Variants in STX8 observed in about 807,000 individuals in gnomAD.
The protein encoded by STX8 is syntaxin 8.
Under a neutral mutation model 37.5 loss-of-function variants are expected in STX8, and 23 were observed. That is an observed-to-expected ratio of 0.61 (90% CI 0.44 to 0.87). STX8 has a LOEUF of 0.87. Ranked by LOEUF, STX8 falls within the 40% of genes least tolerant of loss-of-function variation. The pLI, the probability that STX8 is intolerant of heterozygous loss-of-function variation, is 0.00. For synonymous variants in STX8, 115 were observed against 99.1 expected (o/e 1.16, Z -0.95); for missense variants, 313 against 284.7 (o/e 1.10, Z -0.71).
rs538756526 is a variant in STX8 at position 9,250,554 on chromosome 17, C to T, written c.*24G>A. The T allele has an allele frequency of 1.4e-5, 22 of 1,575,902 alleles. No individual in the cohort carries two copies. The highest frequency in any genetic ancestry group is 1.7e-4 in the Middle Eastern group (1 of 6,012). ...TTGCATCTGTCATTGGCAGGTGTCA[C>T]TGCTGGTGGTCTCTTTACTGCCATC... On this transcript the variant is annotated 3_prime_UTR_variant, in exon 8 of 8. Coordinates refer to ENST00000306357, the MANE Select transcript of STX8 (RefSeq NM_004853.3).
chr17:9,456,426 C>T (rs1281218886), intron 6 of STX8, among the ~76,000 whole-genome samples: 2 of 152,182 alleles, frequency 1.3e-5, no homozygotes, highest in African/African-American at 4.8e-5. Context: ...GGCTGGGCCT[C>T]CAGCTGAGTT....
At chr17:9,253,187 A>G (rs532986791) in intron 7 of STX8, among the ~76,000 whole-genome samples, 5 of 139,746 alleles carry the variant, frequency 3.6e-5, no homozygotes, top group African/African-American at 1.3e-4. Context: ...AGATGCTTGC[A>G]GCAAGAAGGC....
At chr17:9,347,432 AT>A in intron 7 of STX8, among the ~76,000 whole-genome samples, 1 of 152,372 alleles carries the variant, frequency 6.6e-6, no homozygotes, top group East Asian at 1.9e-4. Context: ...CATAACAAAA[AT>A]GACCATTTTA....
intron 6 of STX8, among the ~76,000 whole-genome samples, chr17:9,436,555 A>T (rs1284935204): frequency 6.6e-6 from 1 of 152,176 alleles, no homozygotes. Flanking sequence ...CACGCTTCGG[A>T]CAGATCACAG....
chr17:9,266,009 T>A (rs1285326621), intron 7 of STX8, among the ~76,000 whole-genome samples: 1 of 152,160 alleles, frequency 6.6e-6, no homozygotes, highest in Middle Eastern at 3.2e-3. Context: ...AGTGCTGATA[T>A]GGTCCATAAA....
intron 1 of STX8, among the ~76,000 whole-genome samples, chr17:9,575,536 A>G (rs1001750372): frequency 6.6e-6 from 1 of 152,176 alleles, no homozygotes; most frequent in Non-Finnish European, 1.5e-5. Flanking sequence ...AGCCCAGAAA[A>G]GCTAAAGGAA....
At chr17:9,257,037 TGC>T (rs1378709751) in intron 7 of STX8, among the ~76,000 whole-genome samples, 1 of 152,216 alleles carries the variant, frequency 6.6e-6, no homozygotes, top group Non-Finnish European at 1.5e-5. Context: ...ATCGTTTCTC[TGC>T]GCTTCACTCA....
At chr17:9,509,723 T>C (rs1166775731) in intron 4 of STX8, among the ~76,000 whole-genome samples, 4 of 151,490 alleles carry the variant, frequency 2.6e-5, no homozygotes, top group African/African-American at 4.9e-5. Flanking sequence ...ACAAAGGATA[T>C]AGAAAACAGC....
intron 7 of STX8, among the ~76,000 whole-genome samples, chr17:9,252,978 TC>T (rs1906645129): frequency 6.6e-6 from 1 of 152,248 alleles, no homozygotes; most frequent in Non-Finnish European, 1.5e-5. Flanking sequence ...CGACCTGGCC[TC>T]TTCCAGAGGC....
intron 7 of STX8, among the ~76,000 whole-genome samples, chr17:9,312,179 A>G (rs967993914): frequency 6.6e-6 from 1 of 150,598 alleles, no homozygotes; most frequent in South Asian, 2.1e-4. Context: ...AAAAAAACCT[A>G]TATAAGCATG....
intron 7 of STX8, among the ~76,000 whole-genome samples, chr17:9,260,255 C>T (rs973376572): frequency 2.0e-5 from 3 of 152,006 alleles, no homozygotes; most frequent in South Asian, 2.1e-4. Context: ...CCCAGGAGTT[C>T]GAGGCTGCAG....
chr17:9,455,792 A>G (rs1364623455), intron 6 of STX8, among the ~76,000 whole-genome samples: 1 of 152,220 alleles, frequency 6.6e-6, no homozygotes, highest in Non-Finnish European at 1.5e-5. Context: ...AATATTATTC[A>G]CAAAGTGGGC....
intron 6 of STX8, among the ~76,000 whole-genome samples, chr17:9,426,950 G>T (rs983427839): frequency 2.0e-5 from 3 of 151,804 alleles, no homozygotes; most frequent in Admixed American, 2.0e-4. Flanking sequence ...TCTCTTACTA[G>T]TTAAGAGATA....
intron 6 of STX8, among the ~76,000 whole-genome samples, chr17:9,457,784 T>C (rs2142413148): frequency 6.6e-6 from 1 of 152,368 alleles, no homozygotes; most frequent in Non-Finnish European, 1.5e-5. Flanking sequence ...CTTTCTGGTC[T>C]CTTTCTTTCT....
At chr17:9,425,657 G>A (rs1458854503) in intron 6 of STX8, among the ~76,000 whole-genome samples, 2 of 152,190 alleles carry the variant, frequency 1.3e-5, no homozygotes, top group Non-Finnish European at 1.5e-5. Context: ...GTGTTAAGAT[G>A]TTATCTTCAG....
intron 4 of STX8, among the ~76,000 whole-genome samples, chr17:9,524,512 C>G (rs985160179): frequency 1.3e-5 from 2 of 152,076 alleles, no homozygotes; most frequent in African/African-American, 4.8e-5. Flanking sequence ...CTTACTTCCC[C>G]GAAGGTCCCA....
chr17:9,468,673 C>T (rs1438917270), intron 6 of STX8, among the ~76,000 whole-genome samples: 1 of 151,948 alleles, frequency 6.6e-6, no homozygotes, highest in Non-Finnish European at 1.5e-5. Flanking sequence ...GGCAGACGGT[C>T]TTCAACTGCC....
chr17:9,541,188 T>C (rs1228235224), intron 4 of STX8, among the ~76,000 whole-genome samples: 1 of 152,188 alleles, frequency 6.6e-6, no homozygotes, highest in African/African-American at 2.4e-5. Flanking sequence ...AGACAAGACA[T>C]TGGCAGCCGT....
intron 6 of STX8, chr17:9,469,934 T>C (rs1296852975): frequency 6.6e-6 from 1 of 152,184 alleles, no homozygotes; most frequent in Non-Finnish European, 1.5e-5. Flanking sequence ...TGTTCATAGA[T>C]ACAAAACGCT....
Sources: allele counts gnomAD v4.1 joint callset (sites outside exome capture counted in the v4.1 genomes callset), GRCh38; gene constraint gnomAD v4.1.1; transcripts MANE v1.5; gene names NCBI Gene and HGNC (gene_info 2026-07-23, HGNC 2026-07-21).